Variants in SEMA3A observed in about 807,000 individuals in gnomAD.
SEMA3A encodes semaphorin-3A.
SEMA3A carries 29 observed loss-of-function variants against 97.9 expected under a neutral mutation model. The observed-to-expected ratio is 0.30, with a 90% confidence interval of 0.22 to 0.40. The LOEUF (loss-of-function observed/expected upper bound fraction) is 0.40. Ranked by LOEUF, SEMA3A falls within the 10% of genes least tolerant of loss-of-function variation. The probability of loss-of-function intolerance (pLI) is 1.00; values close to 1 mark genes in which losing one functional copy is unlikely to be tolerated. For synonymous variants in SEMA3A, 321 were observed against 323.7 expected, an observed-to-expected ratio of 0.99 and a Z score of 0.09; for missense variants, 763 against 951.3, an observed-to-expected ratio of 0.80 and a Z score of 2.60.
chr7:84,039,814 A>G (rs2116484253), intron 6 of SEMA3A, among the ~76,000 whole-genome samples: 1 of 152,224 alleles, frequency 6.6e-6, no homozygotes, highest in East Asian at 1.9e-4. Context: ...AATTTTAATT[A>G]ATAAAAAATT....
intron 1 of SEMA3A, among the ~76,000 whole-genome samples, chr7:84,155,560 A>C (rs1297331065): frequency 6.6e-6 from 1 of 152,104 alleles, no homozygotes; most frequent in Non-Finnish European, 1.5e-5. Flanking sequence ...ACATTGCCTT[A>C]AGTGGTTACC....
chr7:84,065,049 C>T (rs1438241390), intron 4 of SEMA3A, among the ~76,000 whole-genome samples: 4 of 150,940 alleles, frequency 2.7e-5, no homozygotes, highest in African/African-American at 9.7e-5. Context: ...TGTAAAAGAA[C>T]AGAAATTATA....
intron 1 of SEMA3A, among the ~76,000 whole-genome samples, chr7:84,427,467 T>C (rs1432995738): frequency 6.6e-6 from 1 of 151,478 alleles, no homozygotes; most frequent in East Asian, 2.0e-4. Context: ...GCCAATATGG[T>C]GAAACCCTGT....
intron 2 of SEMA3A, among the ~76,000 whole-genome samples, chr7:84,334,144 A>G (rs1002496867): frequency 6.6e-6 from 1 of 152,172 alleles, no homozygotes. Flanking sequence ...AGTTCTGTCT[A>G]TATAATTCCA....
At chr7:84,043,573 T>C (rs1187368006) in intron 6 of SEMA3A, among the ~76,000 whole-genome samples, 2 of 152,128 alleles carry the variant, frequency 1.3e-5, no homozygotes, top group Non-Finnish European at 2.9e-5. Flanking sequence ...GATTGTATAG[T>C]CTATGCTGAT....
chr7:84,239,311 A>C (rs1584156432), intron 3 of SEMA3A, among the ~76,000 whole-genome samples: 3 of 152,286 alleles, frequency 2.0e-5, no homozygotes, highest in Admixed American at 2.0e-4. Flanking sequence ...GTTTTATCTA[A>C]AACAATCAAG....
intron 1 of SEMA3A, among the ~76,000 whole-genome samples, chr7:84,463,121 T>G (rs1805894989): frequency 6.6e-6 from 1 of 152,166 alleles, no homozygotes; most frequent in Non-Finnish European, 1.5e-5. Flanking sequence ...TTTTTCATTT[T>G]TTAATATCTC....
chr7:84,355,550 A>T (rs2116040749), intron 2 of SEMA3A, among the ~76,000 whole-genome samples: 1 of 152,030 alleles, frequency 6.6e-6, no homozygotes, highest in Non-Finnish European at 1.5e-5. Flanking sequence ...GAGTGAGAAG[A>T]GGTTGATACT....
intron 6 of SEMA3A, among the ~76,000 whole-genome samples, chr7:84,030,987 GTTTTTTTTTTT>G (rs10615974): frequency 1.1e-5 from 1 of 95,022 alleles, no homozygotes; most frequent in South Asian, 3.7e-4. Context: ...TTTTGGTCAA[GTTTTTTTTTTT>G]TTTTTTTTTT....
intron 1 of SEMA3A, among the ~76,000 whole-genome samples, chr7:84,174,201 C>T (rs1479183508): frequency 6.6e-6 from 1 of 151,984 alleles, no homozygotes; most frequent in African/African-American, 2.4e-5. Context: ...ATCCCAAAAC[C>T]GTTCCCCTCC....
intron 7 of SEMA3A, among the ~76,000 whole-genome samples, chr7:84,012,940 A>G (rs1790943346): frequency 6.6e-6 from 1 of 152,094 alleles, no homozygotes; most frequent in Non-Finnish European, 1.5e-5. Context: ...TAAATATGAC[A>G]TGTATTTTGT....
At chr7:83,972,709 TTA>T (rs1788967118) in intron 15 of SEMA3A, among the ~76,000 whole-genome samples, 1 of 152,136 alleles carries the variant, frequency 6.6e-6, no homozygotes, top group African/African-American at 2.4e-5. Context: ...TAAAAAAATC[TTA>T]GTTTGTAACA....
chr7:84,336,920 A>C (rs1802050047), intron 2 of SEMA3A, among the ~76,000 whole-genome samples: 1 of 152,118 alleles, frequency 6.6e-6, no homozygotes, highest in African/African-American at 2.4e-5. Context: ...TTTTTCTAAG[A>C]ATAACATGGT....
At chr7:84,427,989 A>G (rs1321635572) in intron 1 of SEMA3A, among the ~76,000 whole-genome samples, 1 of 152,172 alleles carries the variant, frequency 6.6e-6, no homozygotes, top group African/African-American at 2.4e-5. Flanking sequence ...AAAGTAATGA[A>G]TATTGTATTT....
At chr7:84,184,377 G>C (rs1311510427) in intron 1 of SEMA3A, among the ~76,000 whole-genome samples, 1 of 152,160 alleles carries the variant, frequency 6.6e-6, no homozygotes, top group Non-Finnish European at 1.5e-5. Context: ...GGGATCATGT[G>C]GTGAAAGTAA....
intron 3 of SEMA3A, among the ~76,000 whole-genome samples, chr7:84,292,399 A>T (rs1800771311): frequency 6.6e-6 from 1 of 151,868 alleles, no homozygotes; most frequent in African/African-American, 2.4e-5. Flanking sequence ...ATTAAAAATA[A>T]TTTATTCAGA....
intron 1 of SEMA3A, among the ~76,000 whole-genome samples, chr7:84,187,641 A>T (rs984750063): frequency 2.0e-5 from 3 of 152,156 alleles, no homozygotes; most frequent in African/African-American, 7.2e-5. Context: ...CCTAGCACCT[A>T]ACACTAAACT....
intron 4 of SEMA3A, among the ~76,000 whole-genome samples, chr7:84,081,922 C>T (rs1794177406): frequency 6.6e-6 from 1 of 152,090 alleles, no homozygotes; most frequent in Non-Finnish European, 1.5e-5. Context: ...TCTAGATACA[C>T]ACAAAACTAC....
chr7:84,368,570 C>T (rs1422613755), intron 2 of SEMA3A, among the ~76,000 whole-genome samples: 2 of 150,402 alleles, frequency 1.3e-5, no homozygotes, highest in South Asian at 2.1e-4. Flanking sequence ...ATAGTATATA[C>T]ATATAAACAT....
Sources: gnomAD v4.1 joint callset for allele counts (sites outside exome capture counted in the v4.1 genomes callset) on GRCh38, gnomAD v4.1.1 for gene constraint, MANE v1.5 for transcripts, NCBI Gene and HGNC (gene_info 2026-07-23, HGNC 2026-07-21) for gene names.